EXOC4: variants seen among roughly 807,000 people sequenced by gnomAD.
EXOC4 encodes SEC8-like 1.
A neutral mutation model predicts 107.2 loss-of-function variants in EXOC4; 71 were observed. The observed-to-expected ratio is 0.66, with a 90% CI of 0.55 to 0.81. The LOEUF (loss-of-function observed/expected upper bound fraction) is 0.81, where lower values mean the gene tolerates loss of function less well. Ranked by LOEUF, EXOC4 falls within the 30% of genes least tolerant of loss-of-function variation. The pLI, the probability that EXOC4 is intolerant of heterozygous loss-of-function variation, is 0.00. For synonymous variants in EXOC4, 456 were observed against 441.2 expected (o/e 1.03, Z -0.42); for missense variants, 1,108 against 1,189.6 (o/e 0.93, Z 1.01).
intron 3 of EXOC4, 149 bp from the exon 4 acceptor site, chr7:133,305,728 C>A: frequency 1.8e-6 from 1 of 557,476 alleles, no homozygotes. Flanking sequence ...TCTCCCCTAG[C>A]CACATTATAC....
intron 11 of EXOC4, among the ~76,000 whole-genome samples, chr7:133,885,244 A>T (rs1350700505): frequency 6.6e-6 from 1 of 151,252 alleles, no homozygotes; most frequent in African/African-American, 2.4e-5. Context: ...AACCCGGGAG[A>T]CGGAGGTTGC....
intron 10 of EXOC4, among the ~76,000 whole-genome samples, chr7:133,762,182 T>C (rs1229638487): frequency 6.6e-6 from 1 of 152,214 alleles, no homozygotes; most frequent in East Asian, 1.9e-4. Flanking sequence ...AATTGAGAAT[T>C]CTATCACTGT....
At chr7:133,633,283 C>T (rs1449976808) in intron 10 of EXOC4, among the ~76,000 whole-genome samples, 1 of 152,170 alleles carries the variant, frequency 6.6e-6, no homozygotes, top group African/African-American at 2.4e-5. Flanking sequence ...TCCTGTTACT[C>T]AGCAGTTCCC....
chr7:133,634,030 G>A (rs551480188), intron 10 of EXOC4, among the ~76,000 whole-genome samples: 47 of 152,038 alleles, frequency 3.1e-4, no homozygotes, highest in Non-Finnish European at 5.4e-4. Flanking sequence ...GCAGCCTAGC[G>A]GGTTTCTATA....
chr7:134,034,797 C>G (rs560295395), intron 17 of EXOC4, among the ~76,000 whole-genome samples: 1 of 152,098 alleles, frequency 6.6e-6, no homozygotes, highest in South Asian at 2.1e-4. Context: ...AAATATAATC[C>G]TTAGCATCAC....
intron 7 of EXOC4, among the ~76,000 whole-genome samples, chr7:133,443,918 C>CT (rs1241058814): frequency 6.6e-6 from 1 of 152,158 alleles, no homozygotes; most frequent in East Asian, 1.9e-4. Flanking sequence ...GGAGTGTGGC[C>CT]TTTATTTTGG....
intron 5 of EXOC4, among the ~76,000 whole-genome samples, chr7:133,325,721 T>C (rs1309139278): frequency 6.6e-6 from 1 of 152,214 alleles, no homozygotes; most frequent in Non-Finnish European, 1.5e-5. Context: ...ATTATCTTTG[T>C]GGCATTCTCT....
At chr7:133,562,400 C>T (rs899064876) in intron 9 of EXOC4, among the ~76,000 whole-genome samples, 6 of 152,154 alleles carry the variant, frequency 3.9e-5, no homozygotes, top group Admixed American at 1.3e-4. Context: ...CTAGGTTCCC[C>T]GGCTTGCCTG....
At chr7:133,831,561 ATT>A (rs55833548) in intron 11 of EXOC4, among the ~76,000 whole-genome samples, 2 of 146,580 alleles carry the variant, frequency 1.4e-5, no homozygotes, top group African/African-American at 5.0e-5. Flanking sequence ...CATCTTTGTG[ATT>A]TTTTTTTTTT....
intron 10 of EXOC4, among the ~76,000 whole-genome samples, chr7:133,722,829 G>A (rs926417528): frequency 1.3e-5 from 2 of 152,140 alleles, no homozygotes; most frequent in African/African-American, 2.4e-5. Context: ...CCCTTACCTC[G>A]TAAATTCAGC....
chr7:133,363,032 T>C (rs1194972094), intron 6 of EXOC4, among the ~76,000 whole-genome samples: 3 of 152,198 alleles, frequency 2.0e-5, no homozygotes, highest in Non-Finnish European at 4.4e-5. Flanking sequence ...CTCCGTGTAA[T>C]TTAGATGAGT....
At chr7:133,495,427 G>GCACTCATCTTAAATGTA (rs1799454869) in intron 9 of EXOC4, among the ~76,000 whole-genome samples, 3 of 151,916 alleles carry the variant, frequency 2.0e-5, no homozygotes, top group Admixed American at 2.0e-4. Flanking sequence ...TGTGTAATGT[G>GCACTCATCTTAAATGTA]CACTCATCTT....
chr7:133,460,757 A>G (rs1447693521), intron 7 of EXOC4, among the ~76,000 whole-genome samples: 1 of 152,190 alleles, frequency 6.6e-6, no homozygotes, highest in Non-Finnish European at 1.5e-5. Flanking sequence ...AGAATCTTGT[A>G]GATGCAAGAG....
intron 7 of EXOC4, among the ~76,000 whole-genome samples, chr7:133,460,600 A>G (rs759780259): frequency 1.3e-5 from 2 of 152,148 alleles, no homozygotes; most frequent in Non-Finnish European, 2.9e-5. Flanking sequence ...TTTGGCAACA[A>G]AACTGATAAA....
chr7:134,086,855 A>G, the EXOC4 span, among the ~76,000 whole-genome samples: 1 of 152,212 alleles, frequency 6.6e-6, no homozygotes, highest in African/African-American at 2.4e-5. Flanking sequence ...AACAAGGAGT[A>G]GATTATTCAT....
At position 133,784,522 on chromosome 7, in the gene EXOC4, G is replaced by A. The variant is rs142603900; in HGVS notation, c.1515-32803G>A. 2.9e-4 allele frequency among the ~76,000 whole-genome samples: 44 copies of A among 152,216 alleles called. No homozygotes were observed. The East Asian group carries it at 3.9e-3, about 13-fold the overall frequency. Reference sequence around the variant, plus strand: ...GGGGTCCGTTCTTCTTGTGTGTGGCGTTGCTGGTGAGCTCCATCAGGGAGC... The same window carrying A: ...GGGGTCCGTTCTTCTTGTGTGTGGCATTGCTGGTGAGCTCCATCAGGGAGC... On this transcript the variant is annotated intron_variant, in intron 10 of 17. Transcript: ENST00000253861.
At chr7:133,833,550 A>G (rs1797855320) in intron 11 of EXOC4, among the ~76,000 whole-genome samples, 1 of 152,068 alleles carries the variant, frequency 6.6e-6, no homozygotes, top group African/African-American at 2.4e-5. Flanking sequence ...TCCAGCTTGC[A>G]CACTTTTGTT....
intron 9 of EXOC4, among the ~76,000 whole-genome samples, chr7:133,484,758 G>A (rs1799234967): frequency 6.6e-6 from 1 of 152,036 alleles, no homozygotes; most frequent in Non-Finnish European, 1.5e-5. Context: ...TAGCAATGTT[G>A]ATTTAAATGA....
intron 3 of EXOC4, among the ~76,000 whole-genome samples, chr7:133,299,707 A>T (rs574235008): frequency 2.0e-5 from 3 of 152,304 alleles, no homozygotes; most frequent in Admixed American, 1.3e-4. Context: ...CTTTTCTTTG[A>T]CAGCACTTTA....
Sources: gnomAD v4.1 joint callset for allele counts (sites outside exome capture counted in the v4.1 genomes callset) on GRCh38, gnomAD v4.1.1 for gene constraint, MANE v1.5 for transcripts, NCBI Gene and HGNC (gene_info 2026-07-23, HGNC 2026-07-21) for gene names.